The following CLDN10 variants were observed in gnomAD, a reference collection of about 807,000 sequenced individuals.
CLDN10 encodes claudin-10.
Under a neutral mutation model 22.9 loss-of-function variants are expected in CLDN10, and 15 were observed. That is an observed-to-expected ratio of 0.65 (90% CI 0.44 to 1.01). The LOEUF (loss-of-function observed/expected upper bound fraction) is 1.01. CLDN10 is among the 50% of genes least tolerant of loss of function. CLDN10 has a pLI of 0.00. For synonymous variants in CLDN10, 114 were observed against 111.4 expected, an observed-to-expected ratio of 1.02 and a Z score of -0.15; for missense variants, 247 against 287.8, an observed-to-expected ratio of 0.86 and a Z score of 1.03.
intron 1 of CLDN10, among the ~76,000 whole-genome samples, chr13:95,527,977 T>G (rs2043302850): frequency 6.6e-6 from 1 of 152,212 alleles, no homozygotes; most frequent in East Asian, 1.9e-4. Flanking sequence ...GGAGATTTCC[T>G]GATTCTAGGA....
intron 1 of CLDN10, among the ~76,000 whole-genome samples, chr13:95,534,783 C>T (rs2043382579): frequency 6.6e-6 from 1 of 152,102 alleles, no homozygotes; most frequent in Non-Finnish European, 1.5e-5. Flanking sequence ...CTAATATCTC[C>T]AAACTTCAGG....
intron 1 of CLDN10, among the ~76,000 whole-genome samples, chr13:95,476,478 C>T (rs1315163345): frequency 6.6e-6 from 1 of 152,176 alleles, no homozygotes; most frequent in Non-Finnish European, 1.5e-5. Flanking sequence ...TTAATGGGGG[C>T]TCCACCCTCA....
intron 1 of CLDN10, among the ~76,000 whole-genome samples, chr13:95,471,453 A>ATATATATATTTTTTT (rs776857009): frequency 2.8e-5 from 3 of 106,390 alleles, no homozygotes; most frequent in African/African-American, 1.2e-4. Flanking sequence ...ATATATATAT[A>ATATATATATTTTTTT]TTTTTTTTTT....
rs182699763 is a variant in CLDN10, at chr13:95,506,760, G to A, written c.215-53372G>A. 2.0e-3 allele frequency among the ~76,000 whole-genome samples: 308 copies of A among 152,306 alleles called. 1 individual carries two copies. The highest frequency in any genetic ancestry group is 7.0e-3 in the African/African-American group (292 of 41,574). On this transcript the variant is annotated intron_variant, in intron 1 of 4. Coordinates refer to the CLDN10 transcript ENST00000376873. The stretch of plus-strand genomic sequence containing the variant: ...CTAGGGTCCATCAGCCTTCTGAGAA[G>A]ACTAAAATTCTCTTTCTCCTCAAAA...
At chr13:95,440,063 G>A (rs1280036760) in intron 1 of CLDN10, among the ~76,000 whole-genome samples, 1 of 151,956 alleles carries the variant, frequency 6.6e-6, no homozygotes, top group African/African-American at 2.4e-5. Flanking sequence ...ACAGGCTCGC[G>A]CCACCATGCC....
chr13:95,491,644 C>A (rs906647815), intron 1 of CLDN10, among the ~76,000 whole-genome samples: 1 of 152,070 alleles, frequency 6.6e-6, no homozygotes. Context: ...TAATAACTAA[C>A]CTCCTGAATT....
intron 1 of CLDN10, among the ~76,000 whole-genome samples, chr13:95,519,779 A>G (rs1280857598): frequency 6.6e-6 from 1 of 152,234 alleles, no homozygotes; most frequent in East Asian, 1.9e-4. Flanking sequence ...GTATCATTAA[A>G]TCTAAATTTA....
At chr13:95,561,859 G>A (rs1001358212) in intron 3 of CLDN10, among the ~76,000 whole-genome samples, 3 of 149,574 alleles carry the variant, frequency 2.0e-5, no homozygotes, top group African/African-American at 7.4e-5. Context: ...TTGCGCTTCT[G>A]CACTCAAGTG....
rs2043658944 is a variant in CLDN10, at chr13:95,557,965, C to A, written c.221-2167C>A. On this transcript the variant is annotated intron_variant, in intron 1 of 4. Transcript: ENST00000299339. ...AATTTAACCTTTGGTAAATTCCCGA[C>A]AACTTGCACTTTCTGTTAACAAAGC... is the stretch of plus-strand genomic sequence containing the variant. 3.9e-5 allele frequency among the ~76,000 whole-genome samples: 6 copies of A among 152,134 alleles called. 1 individual carries two copies. The highest frequency in any genetic ancestry group is 3.9e-4 in the Admixed American group (6 of 15,272).
chr13:95,570,327 G>A lies in CLDN10; in HGVS notation c.465-6904G>A, dbSNP rs566139976. ...GCAAACCCCCCAATTATCCACACAC[G>A]AATGGAGATCAATGGCATGGATGGT... On this transcript the variant is annotated intron_variant, in intron 3 of 4. Coordinates refer to ENST00000299339, the MANE Select transcript of CLDN10 (RefSeq NM_006984.5). Among the ~76,000 whole-genome samples, 24 of 152,224 alleles carry A rather than the reference G, an allele frequency of 1.6e-4. No homozygotes were observed. The South Asian group carries it at 2.7e-3, about 17-fold the overall frequency.
At chr13:95,571,997 G>A (rs980105462) in intron 3 of CLDN10, among the ~76,000 whole-genome samples, 3 of 152,126 alleles carry the variant, frequency 2.0e-5, no homozygotes, top group Admixed American at 6.5e-5. Flanking sequence ...CAGCAAGGTC[G>A]CTTCACTTCT....
chr13:95,527,245 A>G (rs1469867272), intron 1 of CLDN10, among the ~76,000 whole-genome samples: 1 of 152,180 alleles, frequency 6.6e-6, no homozygotes, highest in Non-Finnish European at 1.5e-5. Context: ...GCTATTTTCA[A>G]CTTTCATAAA....
At chr13:95,534,964 A>G (rs1349057583) in intron 1 of CLDN10, among the ~76,000 whole-genome samples, 1 of 152,198 alleles carries the variant, frequency 6.6e-6, no homozygotes, top group Non-Finnish European at 1.5e-5. Flanking sequence ...GAAGCACGCC[A>G]CCAAGAATGA....
chr13:95,448,443 C>T (rs2042401798), intron 1 of CLDN10, among the ~76,000 whole-genome samples: 1 of 152,212 alleles, frequency 6.6e-6, no homozygotes, highest in African/African-American at 2.4e-5. Flanking sequence ...CACCATGCAC[C>T]TTGCAGACAC....
chr13:95,496,275 T>C (rs1297737831), intron 1 of CLDN10, among the ~76,000 whole-genome samples: 2 of 152,232 alleles, frequency 1.3e-5, no homozygotes, highest in East Asian at 3.8e-4. Context: ...AGTGTGTTCT[T>C]TGAGATATTC....
intron 3 of CLDN10, among the ~76,000 whole-genome samples, chr13:95,563,789 G>C (rs2043749080): frequency 1.3e-5 from 2 of 152,112 alleles, no homozygotes; most frequent in Admixed American, 1.3e-4. Context: ...AAACACACTT[G>C]TATAAAAACT....
intron 1 of CLDN10, among the ~76,000 whole-genome samples, chr13:95,554,229 G>A (rs1442542692): frequency 6.6e-6 from 1 of 152,112 alleles, no homozygotes; most frequent in Non-Finnish European, 1.5e-5. Flanking sequence ...ATTTCCTGTG[G>A]TTTGTAGAGC....
chr13:95,550,195 G>A (rs999912223), upstream of CLDN10, among the ~76,000 whole-genome samples: 1 of 152,210 alleles, frequency 6.6e-6, no homozygotes, highest in Non-Finnish European at 1.5e-5. Flanking sequence ...ATGTTGCAAC[G>A]GTAATCTGGG....
At chr13:95,473,266 A>G (rs2042654220) in intron 1 of CLDN10, among the ~76,000 whole-genome samples, 1 of 152,108 alleles carries the variant, frequency 6.6e-6, no homozygotes, top group Non-Finnish European at 1.5e-5. Context: ...AAAAATAGCT[A>G]ATGCATGCTG....
Sources: gnomAD v4.1 joint callset for allele counts (sites outside exome capture counted in the v4.1 genomes callset) on GRCh38, gnomAD v4.1.1 for gene constraint, MANE v1.5 for transcripts, NCBI Gene and HGNC (gene_info 2026-07-23, HGNC 2026-07-21) for gene names.